The following SPATA17 variants were observed in gnomAD, a reference collection of about 807,000 sequenced individuals.
SPATA17 encodes spermatogenesis-associated protein 17.
A neutral mutation model predicts 62.2 loss-of-function variants in SPATA17; 53 were observed. The observed-to-expected ratio is 0.85, with a 90% CI of 0.68 to 1.07. The LOEUF (loss-of-function observed/expected upper bound fraction) is 1.07, where lower values mean the gene tolerates loss of function less well. SPATA17 is among the 50% of genes least tolerant of loss of function. The probability of loss-of-function intolerance (pLI) is 0.00; values close to 1 mark genes in which losing one functional copy is unlikely to be tolerated. For missense variants in SPATA17, 466 were observed against 425.5 expected (o/e 1.10, Z -0.84); for synonymous variants, 146 against 146.8 (o/e 0.99, Z 0.04).
intron 5 of SPATA17, among the ~76,000 whole-genome samples, chr1:217,707,375 G>C (rs1671760861): frequency 6.6e-6 from 1 of 152,090 alleles, no homozygotes; most frequent in African/African-American, 2.4e-5. Context: ...CTGCAATCAG[G>C]GATAGTTTGA....
chr1:217,730,309 C>T (rs185756922), intron 5 of SPATA17, among the ~76,000 whole-genome samples: 37 of 151,788 alleles, frequency 2.4e-4, no homozygotes, highest in South Asian at 1.0e-3. Flanking sequence ...CCTCTGTCTC[C>T]CGGGTTCCAG....
intron 6 of SPATA17, among the ~76,000 whole-genome samples, chr1:217,760,801 C>G (rs2102962806): frequency 6.6e-6 from 1 of 152,246 alleles, no homozygotes; most frequent in Non-Finnish European, 1.5e-5. Flanking sequence ...ATCTTTTAAA[C>G]TCAAACTATG....
At chr1:217,747,738 A>C (rs1272686821) in intron 6 of SPATA17, among the ~76,000 whole-genome samples, 1 of 152,170 alleles carries the variant, frequency 6.6e-6, no homozygotes, top group Non-Finnish European at 1.5e-5. Flanking sequence ...TTTAATTACA[A>C]TTGTTACACG....
chr1:217,758,319 C>T (rs899750546), intron 6 of SPATA17, among the ~76,000 whole-genome samples: 7 of 152,078 alleles, frequency 4.6e-5, no homozygotes, highest in African/African-American at 7.2e-5. Flanking sequence ...GACTACATGA[C>T]ACTATCGCTT....
intron 5 of SPATA17, among the ~76,000 whole-genome samples, chr1:217,713,370 G>A (rs566302541): frequency 3.9e-5 from 6 of 152,198 alleles, no homozygotes; most frequent in South Asian, 2.1e-4. Context: ...TTAAATGATG[G>A]TTTGAATATA....
intron 6 of SPATA17, among the ~76,000 whole-genome samples, chr1:217,747,642 T>G (rs1351249680): frequency 1.3e-5 from 2 of 152,170 alleles, no homozygotes; most frequent in African/African-American, 4.8e-5. Flanking sequence ...TACATATAAC[T>G]CAGTATAACT....
At chr1:217,754,099 G>T (rs968006845) in intron 6 of SPATA17, among the ~76,000 whole-genome samples, 2 of 152,044 alleles carry the variant, frequency 1.3e-5, no homozygotes, top group African/African-American at 4.8e-5. Flanking sequence ...AGGCAAGGTG[G>T]TGCATGCCTG....
intron 6 of SPATA17, among the ~76,000 whole-genome samples, chr1:217,748,367 A>G (rs1344758143): frequency 6.6e-6 from 1 of 152,034 alleles, no homozygotes; most frequent in Non-Finnish European, 1.5e-5. Context: ...GATATGAAAA[A>G]CAGTTTTATA....
intron 6 of SPATA17, among the ~76,000 whole-genome samples, chr1:217,760,534 C>A (rs1002027782): frequency 3.9e-5 from 6 of 152,034 alleles, no homozygotes; most frequent in African/African-American, 1.4e-4. Flanking sequence ...AGATTGTGGC[C>A]AGTCAGATAA....
At chr1:217,685,208 G>A (rs371425753) in intron 5 of SPATA17, among the ~76,000 whole-genome samples, 6 of 152,244 alleles carry the variant, frequency 3.9e-5, no homozygotes, top group African/African-American at 1.4e-4. Context: ...TATCAACCTT[G>A]AACTTTCATA....
At chr1:217,866,708 T>C (rs1288425478) in intron 10 of SPATA17, 4 of 152,130 alleles carry the variant, frequency 2.6e-5, no homozygotes, top group African/African-American at 4.8e-5. Flanking sequence ...TCTGCAGTAG[T>C]GTAGACGGAG....
intron 3 of SPATA17, among the ~76,000 whole-genome samples, chr1:217,660,243 T>A (rs932898684): frequency 1.7e-4 from 26 of 152,182 alleles, no homozygotes; most frequent in Non-Finnish European, 2.9e-4. Context: ...CTGAAAACAT[T>A]AATTTTGTCT....
At chr1:217,743,371 A>C (rs1470025021) in intron 6 of SPATA17, among the ~76,000 whole-genome samples, 4 of 152,138 alleles carry the variant, frequency 2.6e-5, no homozygotes, top group Non-Finnish European at 5.9e-5. Context: ...TCCTTTTAGC[A>C]GAAAATTTTT....
intron 9 of SPATA17, among the ~76,000 whole-genome samples, chr1:217,828,128 G>T (rs1457185197): frequency 6.6e-6 from 1 of 152,084 alleles, no homozygotes; most frequent in Non-Finnish European, 1.5e-5. Context: ...ATTCAAGGCA[G>T]TATGAATAAA....
intron 5 of SPATA17, among the ~76,000 whole-genome samples, chr1:217,702,799 A>G (rs1012624938): frequency 6.6e-6 from 1 of 151,944 alleles, no homozygotes; most frequent in Non-Finnish European, 1.5e-5. Context: ...GCTTTATCCC[A>G]TATGTTCTAT....
At chr1:217,730,894 AC>A (rs1672388781) in intron 5 of SPATA17, among the ~76,000 whole-genome samples, 1 of 152,142 alleles carries the variant, frequency 6.6e-6, no homozygotes, top group South Asian at 2.1e-4. Flanking sequence ...TAATATGTAA[AC>A]TTTTTAGTCA....
intron 1 of SPATA17, among the ~76,000 whole-genome samples, chr1:217,644,959 C>T (rs1030482267): frequency 4.0e-5 from 6 of 151,830 alleles, no homozygotes; most frequent in Non-Finnish European, 8.8e-5. Context: ...AAGTGTTACC[C>T]ACATTTTTCA....
At chr1:217,817,320 C>A in intron 9 of SPATA17, among the ~76,000 whole-genome samples, 1 of 152,068 alleles carries the variant, frequency 6.6e-6, no homozygotes, top group Middle Eastern at 3.4e-3. Context: ...GGGTCAGTTT[C>A]CCCCATGCTA....
chr1:217,775,197 C>CT (rs1235010485), intron 7 of SPATA17, among the ~76,000 whole-genome samples: 3 of 152,154 alleles, frequency 2.0e-5, no homozygotes, highest in African/African-American at 4.8e-5. Context: ...TGTTGAGAAT[C>CT]TTTTTATGTG....
Sources: gnomAD v4.1 joint callset for allele counts (sites outside exome capture counted in the v4.1 genomes callset) on GRCh38, gnomAD v4.1.1 for gene constraint, MANE v1.5 for transcripts, NCBI Gene and HGNC (gene_info 2026-07-23, HGNC 2026-07-21) for gene names.